Variants in MAP3K21 observed in about 807,000 individuals in gnomAD.
The protein encoded by MAP3K21 is mitogen-activated protein kinase kinase kinase 21.
A neutral mutation model predicts 86.1 loss-of-function variants in MAP3K21; 63 were observed. The ratio of observed to expected loss-of-function variants is 0.73; its 90% CI spans 0.60 to 0.90. The LOEUF (loss-of-function observed/expected upper bound fraction) is 0.90. MAP3K21 is among the 40% of genes least tolerant of loss of function. MAP3K21 has a pLI of 0.00. For missense variants in MAP3K21, 1,220 were observed against 1,367.7 expected, an observed-to-expected ratio of 0.89 and a Z score of 1.70; for synonymous variants, 558 against 564.8, an observed-to-expected ratio of 0.99 and a Z score of 0.17.
chr1:233,350,131 TC>T (rs1395016908), intron 2 of MAP3K21, among the ~76,000 whole-genome samples: 1 of 152,158 alleles, frequency 6.6e-6, no homozygotes. Context: ...GTGCACATCC[TC>T]CCGTGTACTT....
chr1:233,352,740 C>A (rs1663273190), intron 2 of MAP3K21, among the ~76,000 whole-genome samples: 1 of 152,096 alleles, frequency 6.6e-6, no homozygotes, highest in African/African-American at 2.4e-5. Context: ...AATTTTGTGT[C>A]TTTTGACAAG....
chr1:233,346,300 C>T (rs919150025), intron 1 of MAP3K21, 142 bp from the exon 2 acceptor site: 3 of 635,150 alleles, frequency 4.7e-6, no homozygotes, highest in Non-Finnish European at 8.0e-6. Flanking sequence ...AAAATCTGTG[C>T]TGTAAGTAAA....
intron 4 of MAP3K21, among the ~76,000 whole-genome samples, chr1:233,359,691 C>T (rs545781070): frequency 1.3e-5 from 2 of 152,298 alleles, no homozygotes; most frequent in South Asian, 4.1e-4. Context: ...GGCATGCCAC[C>T]GTTAATGATT....
chr1:233,339,934 C>G (rs974618786), intron 1 of MAP3K21, among the ~76,000 whole-genome samples: 1 of 152,052 alleles, frequency 6.6e-6, no homozygotes, highest in Admixed American at 6.6e-5. Context: ...TAAGAGTATT[C>G]ATTATTAATT....
intron 8 of MAP3K21, 38 bp from the exon 9 acceptor site, chr1:233,378,893 A>G: frequency 1.4e-6 from 2 of 1,394,142 alleles, no homozygotes; most frequent in Admixed American, 2.2e-5. Context: ...TTTGCTGTAA[A>G]ATGATACTAC....
At chr1:233,357,422 T>G (rs146114335) in intron 4 of MAP3K21, among the ~76,000 whole-genome samples, 3,024 of 147,084 alleles carry the variant, frequency 0.021, 101 homozygotes, top group African/African-American at 0.075. Flanking sequence ...AAAGAAAAAA[T>G]AAAAATAAAA....
At position 233,328,510 on chromosome 1, in the gene MAP3K21, C is replaced by T. The variant is rs1343894222; in HGVS notation, c.482C>T (p.Ala161Val). 1 of 1,524,708 alleles carries T rather than the reference C, an allele frequency of 6.6e-7. No homozygotes were observed. The highest frequency in any genetic ancestry group is 8.7e-7 in the Non-Finnish European group (1 of 1,146,442). 94.4% of individuals were successfully genotyped at this position (1,524,708 alleles called of 1,614,324 possible). The part of the protein sequence containing the change: ...KAARQDPEQD[A>V]AAAAESVRRE... Reference sequence around the variant, plus strand: ...GCGCGCCAGGACCCGGAGCAGGACGCGGCGGCGGCTGCCGAGAGCGTGCGG... The same window carrying T: ...GCGCGCCAGGACCCGGAGCAGGACGTGGCGGCGGCTGCCGAGAGCGTGCGG... Residue 161 changes from alanine (A) to valine (V), a missense_variant, in exon 1 of 10, where the codon GCG becomes GTG. Transcript: ENST00000366624. This position sits in a 1 kb window ranked among gnomAD's most constrained non-coding sequence, Gnocchi z 8.7.
At chr1:233,376,191 A>G in intron 7 of MAP3K21, 125 bp downstream of exon 7, 1 of 825,428 alleles carries the variant, frequency 1.2e-6, no homozygotes, top group Non-Finnish European at 1.9e-6. Context: ...AATATCAACA[A>G]TTTTCTAGGA....
chr1:233,363,927 T>C lies in MAP3K21; in HGVS notation c.1552+1634T>C, dbSNP rs1489610211. On this transcript the variant is annotated intron_variant, in intron 5 of 9. Coordinates refer to ENST00000366624, the MANE Select transcript of MAP3K21 (RefSeq NM_032435.3). Reference sequence around the variant, plus strand: ...TACTTGGGAGGCTGAGGCGGGGGAATCTCTTGAACCCGGGAGCTGGAAGTT... The same window carrying C: ...TACTTGGGAGGCTGAGGCGGGGGAACCTCTTGAACCCGGGAGCTGGAAGTT... Among the ~76,000 whole-genome samples, 10 of 150,896 alleles carry C rather than the reference T, an allele frequency of 6.6e-5. No homozygotes were observed. In the East Asian group the frequency reaches 1.8e-3, roughly 27 times the overall value.
intron 4 of MAP3K21, among the ~76,000 whole-genome samples, chr1:233,356,732 C>G (rs1663365246): frequency 6.6e-6 from 1 of 152,194 alleles, no homozygotes; most frequent in Non-Finnish European, 1.5e-5. Flanking sequence ...CTATTGTATT[C>G]TTACGCAATG....
intron 1 of MAP3K21, among the ~76,000 whole-genome samples, chr1:233,329,553 C>T (rs1398930246): frequency 6.6e-6 from 1 of 151,778 alleles, no homozygotes; most frequent in Non-Finnish European, 1.5e-5. Context: ...ACTCGGGAGG[C>T]GGAGGCATGA....
At position 233,372,109 on chromosome 1, in the gene MAP3K21, T is replaced by G; in HGVS notation, c.1624T>G (p.Ser542Ala). 6.2e-7 allele frequency: 1 copy of G among 1,614,132 alleles called. No individual in the cohort carries two copies. The highest frequency in any genetic ancestry group is 8.5e-7 in the Non-Finnish European group (1 of 1,180,012). ...ACGGCGGAGCCTGAACAGCAGCAGT[T>G]CCAGTCCCCCGAGCAGCCCCACAAT... ...DKRRSLNSSS[S>A]SPPSSPTMMP... The change falls in exon 6 of 10, where the codon TCC (serine) becomes GCC (alanine). Residue 542 changes from serine to alanine, a missense_variant. This residue lies in a region of MAP3K21 where 632 missense variants were observed against 691.3 expected (regional missense o/e 0.91). Transcript: ENST00000366624.
At chr1:233,367,794 G>C (rs1459680709) in intron 5 of MAP3K21, among the ~76,000 whole-genome samples, 1 of 151,742 alleles carries the variant, frequency 6.6e-6, no homozygotes, top group East Asian at 1.9e-4. Flanking sequence ...CAAGAGGCAA[G>C]GTTGCAGTGA....
At chr1:233,376,963 T>A (rs1182119650) in intron 8 of MAP3K21, among the ~76,000 whole-genome samples, 1 of 152,118 alleles carries the variant, frequency 6.6e-6, no homozygotes, top group Non-Finnish European at 1.5e-5. Context: ...GGCATGGTGG[T>A]GCTTGCTTGT....
At chr1:233,363,790 T>C (rs529819220) in intron 5 of MAP3K21, among the ~76,000 whole-genome samples, 7 of 150,208 alleles carry the variant, frequency 4.7e-5, no homozygotes, top group African/African-American at 7.4e-5. Flanking sequence ...ACGGGTTGCC[T>C]GAGATCTGGA....
chr1:233,360,273 A>T (rs1663441821), intron 4 of MAP3K21, among the ~76,000 whole-genome samples: 1 of 152,234 alleles, frequency 6.6e-6, no homozygotes, highest in Admixed American at 6.5e-5. Flanking sequence ...AACAAAAGTC[A>T]CTAGTTAAAA....
chr1:233,342,824 C>A (rs1663062053), intron 1 of MAP3K21, among the ~76,000 whole-genome samples: 1 of 152,144 alleles, frequency 6.6e-6, no homozygotes, highest in Non-Finnish European at 1.5e-5. Flanking sequence ...CATCCCTCCC[C>A]ATGTAGTATA....
At chr1:233,346,768 G>A (rs1663149772) in intron 2 of MAP3K21, 146 bp downstream of exon 2, 2 of 711,510 alleles carry the variant, frequency 2.8e-6, no homozygotes, top group Admixed American at 6.1e-5. Context: ...TAATTGTAAT[G>A]ACAACGGAAC....
In MAP3K21 at chr1:233,328,014, C is replaced by T. The variant is rs1335246611; in HGVS notation, c.-15C>T. The T allele has an allele frequency of 1.6e-6, 2 of 1,254,826 alleles. No homozygotes were observed. Among genetic ancestry groups the T allele is most frequent in the African/African-American group, 1.6e-5 (1 of 63,990 alleles). The allele number at this position is 1,254,826 out of a possible 1,614,324, so 77.7% of individuals were successfully genotyped here. Reference sequence around the variant, plus strand: ...GCCCAGCTTCCCGCTCCGCCTTCCCCGCGCAGCTGCCCCCATGGCTTTGCG... The same window carrying T: ...GCCCAGCTTCCCGCTCCGCCTTCCCTGCGCAGCTGCCCCCATGGCTTTGCG... On this transcript the variant is annotated 5_prime_UTR_variant, in exon 1 of 10. Coordinates refer to ENST00000366624, the MANE Select transcript of MAP3K21 (RefSeq NM_032435.3). The surrounding 1 kb of genome is among the most constrained non-coding windows in gnomAD (Gnocchi z 8.7).
Sources: allele counts gnomAD v4.1 joint callset (sites outside exome capture counted in the v4.1 genomes callset), GRCh38; gene constraint gnomAD v4.1.1; regional missense constraint gnomAD v4.1.1; non-coding constraint Gnocchi (gnomAD v3.1); transcripts MANE v1.5; gene names NCBI Gene and HGNC (gene_info 2026-07-23, HGNC 2026-07-21).